The following SPATA18 variants were observed in gnomAD, a reference collection of about 807,000 sequenced individuals.
The protein encoded by SPATA18 is spermatogenesis associated 18, also known as mitochondria-eating protein.
A neutral mutation model predicts 68.1 loss-of-function variants in SPATA18; 54 were observed. The observed-to-expected ratio is 0.79, with a 90% CI of 0.64 to 0.99. The LOEUF (loss-of-function observed/expected upper bound fraction) is 0.99. Ranked by LOEUF, SPATA18 falls within the 50% of genes least tolerant of loss-of-function variation. The pLI is 0.00. For synonymous variants in SPATA18, 242 were observed against 244.8 expected, an observed-to-expected ratio of 0.99 and a Z score of 0.11; for missense variants, 724 against 681.1, an observed-to-expected ratio of 1.06 and a Z score of -0.70.
intron 9 of SPATA18, among the ~76,000 whole-genome samples, chr4:52,080,324 A>G (rs1296062829): frequency 6.6e-6 from 1 of 152,202 alleles, no homozygotes; most frequent in Non-Finnish European, 1.5e-5. Context: ...ATTTTCTGAC[A>G]TTTTATGCAG....
intron 4 of SPATA18, among the ~76,000 whole-genome samples, chr4:52,066,579 G>C (rs866861211): frequency 5.9e-5 from 9 of 152,252 alleles, no homozygotes; most frequent in Middle Eastern, 3.4e-3. Flanking sequence ...GTACCATGGT[G>C]GTTTGCTGCA....
rs1460784979 is a variant in SPATA18 at position 52,095,361 on chromosome 4, G to A, written c.*474G>A. On this transcript the variant is annotated 3_prime_UTR_variant, in exon 13 of 13. Transcript: ENST00000295213. Reference sequence around the variant, plus strand: ...TTAGGTGTTTTAATTTCCTTTTAAGGTTTGGAAGACAGCCCTAATCTCAGG... The same window carrying A: ...TTAGGTGTTTTAATTTCCTTTTAAGATTTGGAAGACAGCCCTAATCTCAGG... The A allele has an allele frequency of 6.3e-6, 1 of 159,092 alleles. No homozygotes were observed. The highest frequency in any genetic ancestry group is 1.4e-5 in the Non-Finnish European group (1 of 72,864). The allele number at this position is 159,092 out of a possible 1,614,324, so 9.9% of individuals were successfully genotyped here.
At chr4:52,073,935 AC>A in intron 6 of SPATA18, among the ~76,000 whole-genome samples, 1 of 152,294 alleles carries the variant, frequency 6.6e-6, no homozygotes, top group East Asian at 1.9e-4. Context: ...TATTTCAAAA[AC>A]CATTCCTGCT....
At chr4:52,053,748 C>T (rs191777693) in intron 1 of SPATA18, among the ~76,000 whole-genome samples, 11 of 152,290 alleles carry the variant, frequency 7.2e-5, no homozygotes, top group African/African-American at 2.2e-4. Context: ...AAAGTTCATA[C>T]GGAATCTAAA....
chr4:52,090,901 T>G (rs1741884235), intron 11 of SPATA18, among the ~76,000 whole-genome samples: 1 of 152,152 alleles, frequency 6.6e-6, no homozygotes, highest in Non-Finnish European at 1.5e-5. Context: ...GGTTCCATTC[T>G]CCCCATCACT....
chr4:52,053,148 A>G (rs897121650), intron 1 of SPATA18, among the ~76,000 whole-genome samples: 1 of 152,200 alleles, frequency 6.6e-6, no homozygotes, highest in Admixed American at 6.5e-5. Context: ...TTAAAAAAAC[A>G]TGTTGTTTGT....
chr4:52,087,886 C>G (rs1339450397), intron 11 of SPATA18, among the ~76,000 whole-genome samples: 2 of 152,024 alleles, frequency 1.3e-5, no homozygotes, highest in African/African-American at 4.8e-5. Flanking sequence ...ACGATATTAA[C>G]TCTTCCTATC....
At chr4:52,053,983 C>T (rs1738120474) in intron 1 of SPATA18, among the ~76,000 whole-genome samples, 3 of 152,224 alleles carry the variant, frequency 2.0e-5, no homozygotes, top group East Asian at 1.9e-4. Context: ...AGCTCTTTAA[C>T]CTTATCTGTT....
At chr4:52,082,692 C>A in intron 10 of SPATA18, 182 bp downstream of exon 10, 1 of 1,453,560 alleles carries the variant, frequency 6.9e-7, no homozygotes, top group Non-Finnish European at 9.0e-7. Flanking sequence ...TTCCATAATT[C>A]TGCATAATTT....
intron 3 of SPATA18, 34 bp from the exon 4 acceptor site, chr4:52,062,186 G>GTT (rs34989037): frequency 5.4e-4 from 434 of 809,064 alleles, no homozygotes; most frequent in South Asian, 1.4e-3. Context: ...TATTCAGACT[G>GTT]TTTTTTTTTT....
intron 5 of SPATA18, among the ~76,000 whole-genome samples, chr4:52,070,248 A>G (rs1739688175): frequency 1.3e-5 from 2 of 152,070 alleles, no homozygotes; most frequent in Admixed American, 1.3e-4. Flanking sequence ...TTGGATCCTA[A>G]CTTTTCACCT....
At position 52,077,009 on chromosome 4, in the gene SPATA18, C is replaced by A; in HGVS notation, c.989C>A (p.Thr330Asn). The change falls in exon 7 of 13, where the codon ACC (threonine) becomes AAC (asparagine). Residue 330 changes from threonine (T) to asparagine (N), a missense_variant. Thr to Asn is a moderately conservative substitution (Grantham distance 65). Transcript: ENST00000295213. ...CGGCGCTGCATCGACAAGGCTGAGA[C>A]CGTTCAGCGGATCATCTACATCGCC... The part of the protein sequence containing the change: ...LLRRCIDKAE[T>N]VQRIIYIATV... 1 of 1,610,244 alleles carries A rather than the reference C, an allele frequency of 6.2e-7. No individual in the cohort carries two copies. The highest frequency in any genetic ancestry group is 2.2e-5 in the East Asian group (1 of 44,702).
intron 4 of SPATA18, among the ~76,000 whole-genome samples, chr4:52,067,655 C>T (rs1449756207): frequency 6.6e-6 from 1 of 152,076 alleles, no homozygotes; most frequent in Non-Finnish European, 1.5e-5. Flanking sequence ...CTTCTGTGAC[C>T]ACCATACGTT....
chr4:52,085,075 A>C, intron 11 of SPATA18, 76 bp downstream of exon 11: 1 of 1,177,612 alleles, frequency 8.5e-7, no homozygotes, highest in Non-Finnish European at 1.2e-6. Flanking sequence ...TCAGCAATAC[A>C]AAAGAGGTGA....
chr4:52,072,150 A>G lies in SPATA18; in HGVS notation c.752A>G (p.Gln251Arg). 1 of 1,613,842 alleles carries G rather than the reference A, an allele frequency of 6.2e-7. No homozygotes were observed. Among genetic ancestry groups the G allele is most frequent in the South Asian group, 1.1e-5 (1 of 91,060 alleles). Reference sequence around the variant, plus strand: ...CTGTCTGCTGAGAAAAGTGCACTCCAAGGAAGGTCAGACAAACTCTCAAAG... The same window carrying G: ...CTGTCTGCTGAGAAAAGTGCACTCCGAGGAAGGTCAGACAAACTCTCAAAG... ...AVLSAEKSALQGRSSRSRSPS... is the reference protein window; with the variant it reads ...AVLSAEKSALRGRSSRSRSPS... The change falls in exon 6 of 13, where the codon CAA (glutamine) becomes CGA (arginine). Residue 251 changes from glutamine to arginine, a missense_variant. Gln to Arg is a conservative substitution (Grantham distance 43, BLOSUM62 1). Transcript: ENST00000295213.
At chr4:52,051,924 C>G in intron 1 of SPATA18, 133 bp downstream of exon 1, 2 of 779,940 alleles carry the variant, frequency 2.6e-6, no homozygotes, top group Non-Finnish European at 4.4e-6. Context: ...TAACCAGGAT[C>G]TCAGCTTTCG....
At chr4:52,072,800 G>A (rs1328333552) in intron 6 of SPATA18, among the ~76,000 whole-genome samples, 13 of 152,134 alleles carry the variant, frequency 8.5e-5, no homozygotes, top group Admixed American at 5.9e-4. Flanking sequence ...AATATGAGGG[G>A]TCATTTTCTC....
At chr4:52,073,759 G>A (rs529386909) in intron 6 of SPATA18, among the ~76,000 whole-genome samples, 1 of 152,322 alleles carries the variant, frequency 6.6e-6, no homozygotes, top group South Asian at 2.1e-4. Context: ...AGTCAGTAAA[G>A]GTTCTGGCCC....
intron 11 of SPATA18, among the ~76,000 whole-genome samples, chr4:52,090,993 T>A (rs1295638083): frequency 6.6e-6 from 1 of 152,060 alleles, no homozygotes; most frequent in African/African-American, 2.4e-5. Context: ...TGTTCCTTTT[T>A]ATTCTTTTTT....
Sources: allele counts gnomAD v4.1 joint callset (sites outside exome capture counted in the v4.1 genomes callset), GRCh38; gene constraint gnomAD v4.1.1; transcripts MANE v1.5; gene names NCBI Gene and HGNC (gene_info 2026-07-23, HGNC 2026-07-21).